Variants in CYP51A1 observed in about 807,000 individuals in gnomAD.
CYP51A1 encodes lanosterol 14-alpha demethylase.
A neutral mutation model predicts 53.5 loss-of-function variants in CYP51A1; 45 were observed. The ratio of observed to expected loss-of-function variants is 0.84; its 90% confidence interval spans 0.66 to 1.08. The LOEUF (loss-of-function observed/expected upper bound fraction) is 1.08. CYP51A1 is among the 50% of genes least tolerant of loss of function. The probability of loss-of-function intolerance (pLI) is 0.00; values close to 1 mark genes in which losing one functional copy is unlikely to be tolerated. For missense variants in CYP51A1, 462 were observed against 621.7 expected, an observed-to-expected ratio of 0.74 and a Z score of 2.73; for synonymous variants, 181 against 217.7, an observed-to-expected ratio of 0.83 and a Z score of 1.48.
chr7:92,121,850 C>T (rs1248071993), intron 7 of CYP51A1, among the ~76,000 whole-genome samples: 1 of 152,132 alleles, frequency 6.6e-6, no homozygotes, highest in East Asian at 1.9e-4. Context: ...TGGGTACCAG[C>T]TCTCTTTTGG....
At chr7:92,123,906 G>A in intron 5 of CYP51A1, 53 bp from the exon 6 acceptor site, 4 of 1,434,696 alleles carry the variant, frequency 2.8e-6, no homozygotes, top group South Asian at 1.4e-5. Context: ...AACCTTCTAG[G>A]ATCAAATTCA....
intron 7 of CYP51A1, among the ~76,000 whole-genome samples, chr7:92,120,189 T>G (rs1282265128): frequency 6.6e-6 from 1 of 152,194 alleles, no homozygotes; most frequent in African/African-American, 2.4e-5. Flanking sequence ...TGCTCCCAAA[T>G]TAATATGGCG....
At chr7:92,126,787 T>C (rs1014585142) in intron 4 of CYP51A1, among the ~76,000 whole-genome samples, 1 of 152,232 alleles carries the variant, frequency 6.6e-6, no homozygotes, top group African/African-American at 2.4e-5. Context: ...CAAGGAATAG[T>C]AGCCAAAGAT....
At chr7:92,121,369 C>A (rs1819690529) in intron 7 of CYP51A1, among the ~76,000 whole-genome samples, 1 of 151,524 alleles carries the variant, frequency 6.6e-6, no homozygotes. Flanking sequence ...TCAGGACCAA[C>A]ATATACTGTT....
intron 7 of CYP51A1, 58 bp downstream of exon 7, chr7:92,123,062 A>C: frequency 7.4e-7 from 1 of 1,348,820 alleles, no homozygotes; most frequent in Non-Finnish European, 1.0e-6. Context: ...CCTTTTAAAA[A>C]TTAGCCACAG....
At chr7:92,126,114 G>C (rs1331902200) in intron 5 of CYP51A1, 139 bp downstream of exon 5, 1 of 558,852 alleles carries the variant, frequency 1.8e-6, no homozygotes, top group African/African-American at 1.9e-5. Flanking sequence ...AATTCTTATA[G>C]AAGAAAGGGG....
chr7:92,117,103 C>A lies in CYP51A1; in HGVS notation c.1292G>T (p.Arg431Leu), dbSNP rs138109473. 1.2e-5 allele frequency: 20 copies of A among 1,613,978 alleles called. No homozygotes were observed. The highest frequency in any genetic ancestry group is 1.7e-5 in the Non-Finnish European group (20 of 1,179,972). Reference protein sequence around the residue: ...WVERLDFNPDRYLQDNPASGE... With the variant: ...WVERLDFNPDLYLQDNPASGE... ...TGATGCTGGGTTATCCTGTAAGTAG[C>A]GATCAGGATTAAAGTCCAGGCGTTC... The change falls in exon 9 of 10, where the codon CGC becomes CTC. Residue 431 changes from arginine (R) to leucine (L), a missense_variant. Coordinates refer to ENST00000003100, the MANE Select transcript of CYP51A1 (RefSeq NM_000786.4).
chr7:92,129,860 G>A (rs893730285), intron 2 of CYP51A1, among the ~76,000 whole-genome samples: 1 of 152,174 alleles, frequency 6.6e-6, no homozygotes, highest in Admixed American at 6.5e-5. Context: ...GAGACCAGAA[G>A]AATGAGGAGC....
At position 92,117,119 on chromosome 7, in the gene CYP51A1, C is replaced by T. The variant is rs993711407; in HGVS notation, c.1276G>A (p.Asp426Asn). Residue 426 changes from aspartate (D) to asparagine (N), a missense_variant, in exon 9 of 10, where the codon GAC becomes AAC. Asp to Asn is a conservative substitution (Grantham distance 23, BLOSUM62 1). Coordinates refer to ENST00000003100, the MANE Select transcript of CYP51A1 (RefSeq NM_000786.4). ...RLKDSWVERL[D>N]FNPDRYLQDN... is the part of the protein sequence containing the mutation. The stretch of plus-strand genomic sequence containing the variant: ...TGTAAGTAGCGATCAGGATTAAAGT[C>T]CAGGCGTTCTACCCATGAGTCTTTA... The T allele has an allele frequency of 6.2e-7, 1 of 1,613,998 alleles. No homozygotes were observed. Among genetic ancestry groups the T allele is most frequent in the Non-Finnish European group, 8.5e-7 (1 of 1,180,010 alleles).
At chr7:92,132,413 A>T (rs1213575233) in intron 1 of CYP51A1, among the ~76,000 whole-genome samples, 1 of 152,210 alleles carries the variant, frequency 6.6e-6, no homozygotes, top group African/African-American at 2.4e-5. Flanking sequence ...TAAAGGCTAT[A>T]TAAACTGTTA....
intron 7 of CYP51A1, among the ~76,000 whole-genome samples, chr7:92,119,972 T>C (rs1819656404): frequency 6.6e-6 from 1 of 151,698 alleles, no homozygotes; most frequent in Admixed American, 6.6e-5. Context: ...AAATGAAAAA[T>C]TCACCCGAGG....
chr7:92,120,198 C>T (rs1040679868), intron 7 of CYP51A1, among the ~76,000 whole-genome samples: 5 of 152,100 alleles, frequency 3.3e-5, no homozygotes, highest in African/African-American at 4.8e-5. Flanking sequence ...ATTAATATGG[C>T]GATACAATGC....
At chr7:92,130,327 G>A (rs1379990893) in intron 2 of CYP51A1, among the ~76,000 whole-genome samples, 1 of 152,142 alleles carries the variant, frequency 6.6e-6, no homozygotes, top group Non-Finnish European at 1.5e-5. Flanking sequence ...CAGAGCTGCT[G>A]CCAAATTTTA....
At chr7:92,132,854 C>A (rs1819952056) in intron 1 of CYP51A1, among the ~76,000 whole-genome samples, 1 of 152,102 alleles carries the variant, frequency 6.6e-6, no homozygotes. Context: ...CAGATTACAA[C>A]ATTAAGTATC....
chr7:92,119,711 T>A (rs949759186), intron 7 of CYP51A1, among the ~76,000 whole-genome samples: 1 of 151,744 alleles, frequency 6.6e-6, no homozygotes, highest in Non-Finnish European at 1.5e-5. Context: ...AACAAAAAAA[T>A]TACAAAAAAC....
intron 6 of CYP51A1, 22 bp downstream of exon 6, chr7:92,123,712 A>AT (rs775549435): frequency 5.7e-6 from 9 of 1,579,692 alleles, no homozygotes; most frequent in Non-Finnish European, 8.6e-7. Context: ...TCAGCTTAAT[A>AT]TGTTATCTGA....
At chr7:92,130,000 C>A (rs530789069) in intron 2 of CYP51A1, among the ~76,000 whole-genome samples, 1 of 152,082 alleles carries the variant, frequency 6.6e-6, no homozygotes, top group African/African-American at 2.4e-5. Context: ...AGTTTTTAAA[C>A]GGGTGACAAG....
Position 92,128,880 on chromosome 7 carries a change from T to C in CYP51A1, c.468A>G (p.Pro156=). The C allele has an allele frequency of 1.9e-6, 3 of 1,609,052 alleles. No homozygotes were observed. The East Asian group carries it at 6.7e-5, about 36-fold the overall frequency. The change falls in exon 3 of 10, where the codon CCA becomes CCG. Residue 156 remains proline, a splice_region_variant and synonymous_variant. Coordinates refer to ENST00000003100, the MANE Select transcript of CYP51A1 (RefSeq NM_000786.4). ...GKGVAYDVPN[P]VFLEQKKMLK... is the part of the protein sequence containing the mutation. ...TATTTATGGTAACAGTGTCACCTAC[T>C]GGATTAGGCACATCGTATGCAACTC...
intron 4 of CYP51A1, among the ~76,000 whole-genome samples, chr7:92,127,213 A>C (rs996375523): frequency 1.3e-5 from 2 of 152,214 alleles, no homozygotes; most frequent in African/African-American, 4.8e-5. Context: ...CAAAGGCCAG[A>C]CCCAGAATAT....
Sources: allele counts gnomAD v4.1 joint callset (sites outside exome capture counted in the v4.1 genomes callset), GRCh38; gene constraint gnomAD v4.1.1; transcripts MANE v1.5; gene names NCBI Gene and HGNC (gene_info 2026-07-23, HGNC 2026-07-21).